The following MMD2 variants were observed in gnomAD, a reference collection of about 807,000 sequenced individuals.
MMD2 encodes the protein monocyte to macrophage differentiation associated 2.
MMD2 carries 30 observed loss-of-function variants against 33.5 expected under a neutral mutation model. The observed-to-expected ratio is 0.90, with a 90% CI of 0.67 to 1.22. MMD2 has a LOEUF of 1.22. Among genes scored for constraint, MMD2 ranks in the 50% most tolerant of loss-of-function variants. The pLI, the probability that MMD2 is intolerant of heterozygous loss-of-function variation, is 0.00. For synonymous variants in MMD2, 129 were observed against 123.0 expected, an observed-to-expected ratio of 1.05 and a Z score of -0.32; for missense variants, 364 against 325.4, an observed-to-expected ratio of 1.12 and a Z score of -0.91.
intron 1 of MMD2, among the ~76,000 whole-genome samples, chr7:4,943,004 CTTTTT>C (rs33983457): frequency 2.3e-5 from 2 of 85,692 alleles, no homozygotes; most frequent in African/African-American, 4.3e-5. Context: ...CTGCCCTTTT[CTTTTT>C]TTTTTTTTTT....
chr7:4,951,089 A>G (rs1388779723), intron 1 of MMD2, among the ~76,000 whole-genome samples: 2 of 152,020 alleles, frequency 1.3e-5, no homozygotes, highest in Non-Finnish European at 2.9e-5. Flanking sequence ...TGATGTCCAC[A>G]GGCAACTCCC....
intron 1 of MMD2, among the ~76,000 whole-genome samples, chr7:4,956,039 T>C (rs935765730): frequency 6.6e-6 from 1 of 151,912 alleles, no homozygotes; most frequent in Admixed American, 6.6e-5. Flanking sequence ...GGTGACAGAG[T>C]GAGACTCCAA....
intron 2 of MMD2, among the ~76,000 whole-genome samples, chr7:4,924,951 G>C (rs1785383035): frequency 6.6e-6 from 1 of 152,096 alleles, no homozygotes; most frequent in Admixed American, 6.6e-5. Flanking sequence ...TTGTTTTTGA[G>C]ACAGGGTCTT....
At chr7:4,921,885 A>G (rs752451110) in intron 2 of MMD2, among the ~76,000 whole-genome samples, 2 of 152,104 alleles carry the variant, frequency 1.3e-5, no homozygotes, top group African/African-American at 2.4e-5. Flanking sequence ...GAACATCAAC[A>G]GGGAAGATAG....
At chr7:4,914,090 G>A (rs6946278) in intron 4 of MMD2, among the ~76,000 whole-genome samples, 103,582 of 152,122 alleles carry the variant, frequency 0.68, 36,776 homozygotes, top group African/African-American at 0.9. Context: ...GGCTCAAGCG[G>A]TCCTCCTGTC....
intron 1 of MMD2, among the ~76,000 whole-genome samples, chr7:4,933,177 C>A (rs1393620018): frequency 6.6e-6 from 1 of 151,464 alleles, no homozygotes; most frequent in African/African-American, 2.4e-5. Flanking sequence ...GCTTTGGCAA[C>A]ATAGCAAGAC....
chr7:4,925,235 C>G (rs1370154556), intron 2 of MMD2, among the ~76,000 whole-genome samples: 1 of 152,024 alleles, frequency 6.6e-6, no homozygotes, highest in African/African-American at 2.4e-5. Flanking sequence ...TCGGCCCCAT[C>G]GAAGGTTCTT....
intron 1 of MMD2, among the ~76,000 whole-genome samples, chr7:4,936,522 C>T (rs982951225): frequency 3.3e-5 from 5 of 151,926 alleles, no homozygotes; most frequent in Admixed American, 1.3e-4. Context: ...TCAAATTTTA[C>T]TCATGTAACT....
the MMD2 span, among the ~76,000 whole-genome samples, chr7:4,893,628 G>A: frequency 6.6e-6 from 1 of 151,572 alleles, no homozygotes; most frequent in African/African-American, 2.4e-5. Flanking sequence ...CTGACCTCAG[G>A]TGATGTGCCT....
intron 1 of MMD2, among the ~76,000 whole-genome samples, chr7:4,957,367 G>A (rs1297457455): frequency 6.6e-6 from 1 of 151,408 alleles, no homozygotes; most frequent in Admixed American, 6.6e-5. Context: ...AAAAAACAAA[G>A]GCCGGGGGCG....
rs1428232106 is a variant in MMD2, at chr7:4,946,175, G to C, written c.47+12796C>G. Among the ~76,000 whole-genome samples, 3 of 147,580 alleles carry C rather than the reference G, an allele frequency of 2.0e-5. No individual in the cohort carries two copies. The highest frequency in any genetic ancestry group is 3.0e-5 in the Non-Finnish European group (2 of 66,974). On this transcript the variant is annotated intron_variant, in intron 1 of 6. Coordinates refer to ENST00000401401, the MANE Select transcript of MMD2 (RefSeq NM_198403.4). The surrounding 1 kb of genome is among the most constrained non-coding windows in gnomAD (Gnocchi z 5.0). ...CACCCGCGCGCACACCTGCACACAT[G>C]CACACACACGCGCGCACACCCACAC...
At chr7:4,897,553 G>A in the MMD2 span, among the ~76,000 whole-genome samples, 1 of 152,174 alleles carries the variant, frequency 6.6e-6, no homozygotes, top group South Asian at 2.1e-4. Context: ...GCCTTAAGAA[G>A]CAGCGAGGCC....
chr7:4,944,482 C>A lies in MMD2; in HGVS notation c.47+14489G>T, dbSNP rs150065032. The stretch of plus-strand genomic sequence containing the variant: ...CACGCTGGATCTGTGGAGCAGGCTC[C>A]GGAGTGGCCGATGCTCTCCGTTTTT... On this transcript the variant is annotated intron_variant, in intron 1 of 6. Transcript: ENST00000401401. Among the ~76,000 whole-genome samples, 351 of 152,218 alleles carry A rather than the reference C, an allele frequency of 2.3e-3. 1 individual carries two copies. Among genetic ancestry groups the A allele is most frequent in the African/African-American group, 8.2e-3 (339 of 41,552 alleles).
At chr7:4,939,685 TG>T (rs1446125473) in intron 1 of MMD2, among the ~76,000 whole-genome samples, 2 of 151,958 alleles carry the variant, frequency 1.3e-5, no homozygotes, top group Non-Finnish European at 2.9e-5. Flanking sequence ...CTCTGCAGAC[TG>T]CAGACAAATG....
downstream of MMD2, among the ~76,000 whole-genome samples, chr7:4,904,965 C>CT (rs1394433272): frequency 6.6e-6 from 1 of 152,224 alleles, no homozygotes; most frequent in Non-Finnish European, 1.5e-5. Context: ...TTCCCCAGTG[C>CT]TGATGCCTGA....
intron 4 of MMD2, among the ~76,000 whole-genome samples, chr7:4,915,609 G>A (rs953967051): frequency 3.3e-5 from 5 of 151,498 alleles, no homozygotes; most frequent in South Asian, 2.1e-4. Context: ...GCGTGGTGGC[G>A]CGTGCCTGTA....
At chr7:4,893,093 A>G in the MMD2 span, among the ~76,000 whole-genome samples, 1 of 152,064 alleles carries the variant, frequency 6.6e-6, no homozygotes, top group Non-Finnish European at 1.5e-5. Flanking sequence ...AGAGGAGTGG[A>G]TGTACCTCTA....
chr7:4,916,129 G>A (rs772046949), intron 3 of MMD2, 50 bp from the exon 4 acceptor site: 16 of 1,570,544 alleles, frequency 1.0e-5, no homozygotes, highest in Non-Finnish European at 1.4e-5. Flanking sequence ...AGCAGGGAAG[G>A]GCCAGTGCCC....
At chr7:4,913,943 T>G (rs988089230) in intron 4 of MMD2, among the ~76,000 whole-genome samples, 6 of 151,938 alleles carry the variant, frequency 3.9e-5, no homozygotes, top group Non-Finnish European at 8.8e-5. Flanking sequence ...TTACAGGCGT[T>G]AGCCACTGCG....
Sources: allele counts gnomAD v4.1 joint callset (sites outside exome capture counted in the v4.1 genomes callset), GRCh38; gene constraint gnomAD v4.1.1; non-coding constraint Gnocchi (gnomAD v3.1); transcripts MANE v1.5; gene names NCBI Gene and HGNC (gene_info 2026-07-23, HGNC 2026-07-21).